AMPH: variants seen among roughly 807,000 people sequenced by gnomAD.
The protein encoded by AMPH is amphiphysin (Stiff-Mann syndrome with breast cancer 128kD autoantigen).
Under a neutral mutation model 99.1 loss-of-function variants are expected in AMPH, and 49 were observed. The ratio of observed to expected loss-of-function variants is 0.49; its 90% CI spans 0.39 to 0.63. The LOEUF (loss-of-function observed/expected upper bound fraction) is 0.63, where lower values mean the gene tolerates loss of function less well. Ranked by LOEUF, AMPH falls within the 20% of genes least tolerant of loss-of-function variation. The pLI, the probability that AMPH is intolerant of heterozygous loss-of-function variation, is 0.00. For missense variants in AMPH, 759 were observed against 863.4 expected, an observed-to-expected ratio of 0.88 and a Z score of 1.52; for synonymous variants, 314 against 317.3, an observed-to-expected ratio of 0.99 and a Z score of 0.11.
chr7:38,429,261 G>T, intron 14 of AMPH: 2 of 1,286,290 alleles, frequency 1.6e-6, no homozygotes, highest in Non-Finnish European at 2.0e-6. Flanking sequence ...CGCAGGCTTT[G>T]GGGGCAGTTG....
chr7:38,413,798 T>G (rs1338254909), intron 17 of AMPH, among the ~76,000 whole-genome samples: 6 of 152,186 alleles, frequency 3.9e-5, no homozygotes, highest in African/African-American at 1.4e-4. Flanking sequence ...CAGACAATAA[T>G]TCAAGCTTCC....
intron 11 of AMPH, among the ~76,000 whole-genome samples, chr7:38,456,542 G>A (rs1787241605): frequency 6.6e-6 from 1 of 152,136 alleles, no homozygotes; most frequent in South Asian, 2.1e-4. Context: ...AGCCCAACCT[G>A]CCAAAGCTAC....
intron 1 of AMPH, among the ~76,000 whole-genome samples, chr7:38,612,078 T>TGTC (rs1281152468): frequency 7.5e-6 from 1 of 134,198 alleles, no homozygotes; most frequent in Non-Finnish European, 1.6e-5. Flanking sequence ...ACTGATTTTT[T>TGTC]GTCTTCTTCT....
intron 1 of AMPH, among the ~76,000 whole-genome samples, chr7:38,570,152 A>G (rs546574743): frequency 6.6e-6 from 1 of 152,302 alleles, no homozygotes; most frequent in South Asian, 2.1e-4. Flanking sequence ...ACCTAAATGC[A>G]GTCTTTTGGT....
At chr7:38,407,172 A>G (rs893012378) in intron 17 of AMPH, among the ~76,000 whole-genome samples, 7 of 141,518 alleles carry the variant, frequency 4.9e-5, no homozygotes, top group Admixed American at 3.5e-4. Flanking sequence ...ATATCTATCT[A>G]TCTAGCATCC....
At chr7:38,397,749 C>G (rs1784712239) in intron 17 of AMPH, among the ~76,000 whole-genome samples, 1 of 152,166 alleles carries the variant, frequency 6.6e-6, no homozygotes, top group African/African-American at 2.4e-5. Flanking sequence ...TATTTGTGAA[C>G]TACCCATCTG....
intron 1 of AMPH, among the ~76,000 whole-genome samples, chr7:38,547,929 G>A (rs1013036340): frequency 2.0e-5 from 3 of 152,168 alleles, no homozygotes; most frequent in African/African-American, 7.2e-5. Flanking sequence ...TAGGGCAGTG[G>A]AAGCAACCAG....
At position 38,401,192 on chromosome 7, in the gene AMPH, T is replaced by C. The variant is rs559145286; in HGVS notation, c.1399-6978A>G. Among the ~76,000 whole-genome samples, 12 of 152,356 alleles carry C rather than the reference T, an allele frequency of 7.9e-5. No homozygotes were observed. In the South Asian group the frequency reaches 1.4e-3, roughly 18 times the overall value. ...CACTGTGAGAAAGATCTTTGGTTTG[T>C]AACCCAACAATTATTAGGTTACACA... On this transcript the variant is annotated intron_variant, in intron 17 of 20. Transcript: ENST00000356264.
chr7:38,445,527 G>A (rs1309420184), intron 11 of AMPH, among the ~76,000 whole-genome samples: 1 of 152,072 alleles, frequency 6.6e-6, no homozygotes, highest in Non-Finnish European at 1.5e-5. Flanking sequence ...TAATGAGGGA[G>A]TTGTATACAG....
intron 1 of AMPH, among the ~76,000 whole-genome samples, chr7:38,607,248 A>C (rs1793466184): frequency 6.6e-6 from 1 of 152,144 alleles, no homozygotes. Context: ...TTTCAGTACT[A>C]ATTTCTAAAG....
At chr7:38,424,570 AG>A (rs2128990242) in intron 15 of AMPH, among the ~76,000 whole-genome samples, 1 of 152,272 alleles carries the variant, frequency 6.6e-6, no homozygotes, top group Admixed American at 6.5e-5. Flanking sequence ...GAAACAGCAA[AG>A]AAACAATAAT....
At chr7:38,441,786 CTGTCATATATATCATATATA>C (rs1786533043) in intron 11 of AMPH, among the ~76,000 whole-genome samples, 1 of 74,758 alleles carries the variant, frequency 1.3e-5, no homozygotes, top group African/African-American at 4.4e-5. Context: ...TATCATATAT[CTGTCATATATATCATATATA>C]TATCATATAT....
chr7:38,422,420 C>T lies in AMPH; in HGVS notation c.1272+1G>A, dbSNP rs1181248492. 2.5e-6 allele frequency: 4 copies of T among 1,612,606 alleles called. No individual in the cohort carries two copies. The Admixed American group carries it at 6.7e-5, about 27-fold the overall frequency. On this transcript the variant is annotated splice_donor_variant, in intron 16 of 20. Transcript: ENST00000356264. LOFTEE classifies it high-confidence loss of function. Reference sequence around the variant, plus strand: ...GAGAGCACAAACCCAAATCAACTTACCAAGTTGCAGATCATACTCTGGTCT... The same window carrying T: ...GAGAGCACAAACCCAAATCAACTTATCAAGTTGCAGATCATACTCTGGTCT...
chr7:38,606,611 C>T (rs971521205), intron 1 of AMPH, among the ~76,000 whole-genome samples: 13 of 133,814 alleles, frequency 9.7e-5, no homozygotes, highest in South Asian at 2.4e-4. Context: ...CTCACTTTGT[C>T]GCCCAGGACA....
Position 38,589,146 on chromosome 7 carries a change from TA to T in AMPH, c.69+42136del. On this transcript the variant is annotated intron_variant, in intron 1 of 20. Transcript: ENST00000356264. ...AATTTAATTGATATTGAAGTCTGAC[TA>T]TCCAACATTAAAGTAGAAATAAGAT... 2.0e-5 allele frequency among the ~76,000 whole-genome samples: 3 copies of T among 152,354 alleles called. No individual in the cohort carries two copies. In the East Asian group the frequency reaches 5.8e-4, roughly 29 times the overall value.
intron 1 of AMPH, among the ~76,000 whole-genome samples, chr7:38,569,734 T>A (rs1791876069): frequency 6.6e-6 from 1 of 152,084 alleles, no homozygotes; most frequent in Non-Finnish European, 1.5e-5. Flanking sequence ...AACAGAGTAA[T>A]CCGTGTGAGA....
At chr7:38,545,861 C>T (rs999683364) in intron 1 of AMPH, among the ~76,000 whole-genome samples, 3 of 152,056 alleles carry the variant, frequency 2.0e-5, no homozygotes, top group African/African-American at 4.8e-5. Context: ...GCAATTTCAC[C>T]GATGGTTTCT....
At chr7:38,538,678 C>T (rs143599894) in intron 1 of AMPH, among the ~76,000 whole-genome samples, 120 of 152,250 alleles carry the variant, frequency 7.9e-4, no homozygotes, top group African/African-American at 2.7e-3. Flanking sequence ...AAGCAATAAA[C>T]GACAGAACCG....
At chr7:38,395,930 C>T (rs1330840098) in intron 17 of AMPH, among the ~76,000 whole-genome samples, 1 of 152,146 alleles carries the variant, frequency 6.6e-6, no homozygotes, top group East Asian at 1.9e-4. Context: ...ATGCCTGTTA[C>T]AGAATATATA....
Sources: gnomAD v4.1 joint callset for allele counts (sites outside exome capture counted in the v4.1 genomes callset) on GRCh38, gnomAD v4.1.1 for gene constraint, MANE v1.5 for transcripts, NCBI Gene and HGNC (gene_info 2026-07-23, HGNC 2026-07-21) for gene names.